The following TENM4 variants were observed in gnomAD, a reference collection of about 807,000 sequenced individuals.
The protein encoded by TENM4 is teneurin transmembrane protein 4.
Under a neutral mutation model 243.3 loss-of-function variants are expected in TENM4, and 82 were observed. The observed-to-expected ratio is 0.34, with a 90% confidence interval of 0.28 to 0.40. The LOEUF is 0.40. Among genes scored for constraint, TENM4 ranks in the 10% least tolerant of loss-of-function variants. TENM4 has a pLI of 1.00. For missense variants in TENM4, 3,138 were observed against 3,673.3 expected, an observed-to-expected ratio of 0.85 and a Z score of 3.77; for synonymous variants, 1,412 against 1,456.3, an observed-to-expected ratio of 0.97 and a Z score of 0.69.
intron 2 of TENM4, among the ~76,000 whole-genome samples, chr11:79,283,639 T>G (rs79736435): frequency 2.6e-5 from 4 of 152,194 alleles, no homozygotes; most frequent in African/African-American, 9.7e-5. Context: ...GCTTTCCCCC[T>G]AAGATTAGAA....
chr11:79,259,638 C>CATCCATCCATCCATCCATCT (rs1855760390), intron 2 of TENM4, among the ~76,000 whole-genome samples: 1 of 133,534 alleles, frequency 7.5e-6, no homozygotes, highest in Non-Finnish European at 1.6e-5. Context: ...TCCACTCCCC[C>CATCCATCCATCCATCCATCT]ATCCATCCAT....
At chr11:79,118,359 A>G (rs1199341473) in intron 4 of TENM4, among the ~76,000 whole-genome samples, 12 of 152,254 alleles carry the variant, frequency 7.9e-5, no homozygotes, top group Non-Finnish European at 1.5e-5. Flanking sequence ...TGGAAAGAAG[A>G]TATTACCTAA....
chr11:78,936,789 T>C (rs1856794866), intron 6 of TENM4, among the ~76,000 whole-genome samples: 1 of 152,192 alleles, frequency 6.6e-6, no homozygotes, highest in African/African-American at 2.4e-5. Context: ...TCCTGTACTA[T>C]TGCTAACGAC....
chr11:79,345,487 C>G (rs1053087608), intron 1 of TENM4, among the ~76,000 whole-genome samples: 3 of 152,212 alleles, frequency 2.0e-5, no homozygotes, highest in African/African-American at 7.2e-5. Flanking sequence ...CCTATGTAAT[C>G]TCTATAACAA....
At chr11:79,200,508 A>G (rs1863718048) in intron 3 of TENM4, among the ~76,000 whole-genome samples, 1 of 152,238 alleles carries the variant, frequency 6.6e-6, no homozygotes, top group Admixed American at 6.5e-5. Flanking sequence ...GGCAAGGGTC[A>G]TCCAAAGTCA....
At chr11:79,111,907 G>A (rs1429232151) in intron 4 of TENM4, among the ~76,000 whole-genome samples, 2 of 152,144 alleles carry the variant, frequency 1.3e-5, no homozygotes, top group Non-Finnish European at 2.9e-5. Context: ...TAGATGAAGA[G>A]CAGTGTGAGA....
intron 13 of TENM4, among the ~76,000 whole-genome samples, chr11:78,813,909 C>T (rs1266046508): frequency 6.6e-6 from 1 of 152,204 alleles, no homozygotes; most frequent in Admixed American, 6.5e-5. Context: ...GCCAGAGAGA[C>T]ATCACACTAG....
intron 6 of TENM4, among the ~76,000 whole-genome samples, chr11:78,984,972 T>C (rs1385531546): frequency 6.6e-6 from 1 of 152,190 alleles, no homozygotes; most frequent in Non-Finnish European, 1.5e-5. Flanking sequence ...AGTGCTGCTG[T>C]AGTGCTAGCA....
chr11:79,074,146 ATT>A (rs545929671), intron 4 of TENM4, among the ~76,000 whole-genome samples: 1 of 151,832 alleles, frequency 6.6e-6, no homozygotes, highest in Admixed American at 6.6e-5. Context: ...TTTCCTTAAA[ATT>A]TTTTTTTCAC....
At chr11:78,803,358 A>C (rs1316523618) in intron 15 of TENM4, among the ~76,000 whole-genome samples, 1 of 151,974 alleles carries the variant, frequency 6.6e-6, no homozygotes, top group African/African-American at 2.4e-5. Context: ...TCTCACTATA[A>C]CTCCAGAAGG....
chr11:79,362,668 T>A (rs764422313), intron 1 of TENM4, among the ~76,000 whole-genome samples: 1 of 152,164 alleles, frequency 6.6e-6, no homozygotes, highest in African/African-American at 2.4e-5. Context: ...GAGCACAGAT[T>A]TAGAAGCCAG....
chr11:79,229,234 C>T (rs998995271), intron 2 of TENM4, among the ~76,000 whole-genome samples: 1 of 152,208 alleles, frequency 6.6e-6, no homozygotes, highest in African/African-American at 2.4e-5. Flanking sequence ...CAGGGAGCAG[C>T]CTTGGTAGAC....
chr11:78,693,389 G>A (rs1287340472), intron 28 of TENM4, among the ~76,000 whole-genome samples: 2 of 152,178 alleles, frequency 1.3e-5, no homozygotes, highest in Non-Finnish European at 2.9e-5. Flanking sequence ...TCAAAGTCAG[G>A]TCTGTCTAAT....
intron 4 of TENM4, among the ~76,000 whole-genome samples, chr11:79,089,209 T>C (rs751326946): frequency 6.6e-6 from 1 of 152,198 alleles, no homozygotes; most frequent in East Asian, 1.9e-4. Context: ...ACTCTGTGCC[T>C]GCTCCAAGGG....
At chr11:78,735,809 G>A (rs910689687) in intron 20 of TENM4, among the ~76,000 whole-genome samples, 13 of 151,858 alleles carry the variant, frequency 8.6e-5, no homozygotes, top group Non-Finnish European at 1.9e-4. Context: ...AAAGCACAGG[G>A]CCTCACACAT....
chr11:78,687,159 G>A (rs180808505), intron 29 of TENM4, among the ~76,000 whole-genome samples: 4 of 152,232 alleles, frequency 2.6e-5, no homozygotes, highest in African/African-American at 9.6e-5. Flanking sequence ...GGTGGGAACT[G>A]GCATGATGGG....
At chr11:79,053,395 C>A (rs937751613) in intron 6 of TENM4, among the ~76,000 whole-genome samples, 2 of 152,196 alleles carry the variant, frequency 1.3e-5, no homozygotes, top group African/African-American at 4.8e-5. Context: ...GCATTTGTCA[C>A]CTTTAACTTC....
rs1264854309 is a variant in TENM4 at position 78,712,710 on chromosome 11, T to C, written c.3826A>G (p.Ser1276Gly). The C allele has an allele frequency of 1.2e-6, 2 of 1,612,998 alleles. No homozygotes were observed. Among genetic ancestry groups the C allele is most frequent in the Non-Finnish European group, 1.7e-6 (2 of 1,179,110 alleles). The change falls in exon 26 of 34, where the codon AGT becomes GGT. Residue 1276 changes from serine (S) to glycine (G), a missense_variant. Physicochemically the swap from Ser to Gly is moderately conservative, Grantham distance 56. Transcript: ENST00000278550. ...GCCAGGTAGTATTTGTGTGCTGGAC[T>C]GTGACTAGAAAACAAAGACATGGCC... is the stretch of plus-strand genomic sequence containing the variant. ...LRNKDFRHSH[S>G]PAHKYYLATD...
intron 6 of TENM4, among the ~76,000 whole-genome samples, chr11:78,980,054 G>A (rs1591180272): frequency 6.6e-6 from 1 of 152,118 alleles, no homozygotes; most frequent in Admixed American, 6.5e-5. Context: ...ATTTAAAGAA[G>A]GTTAAGTGAT....
Sources: gnomAD v4.1 joint callset for allele counts (sites outside exome capture counted in the v4.1 genomes callset) on GRCh38, gnomAD v4.1.1 for gene constraint, MANE v1.5 for transcripts, NCBI Gene and HGNC (gene_info 2026-07-23, HGNC 2026-07-21) for gene names.